The following CNTN6 variants were observed in gnomAD, a reference collection of about 807,000 sequenced individuals.
CNTN6 encodes the protein contactin-6.
A neutral mutation model predicts 122.8 loss-of-function variants in CNTN6; 137 were observed. That is an observed-to-expected ratio of 1.12 (90% confidence interval 0.97 to 1.29). CNTN6 has a LOEUF of 1.29. Ranked by LOEUF, CNTN6 falls within the 50% of genes most tolerant of loss-of-function variation. The pLI is 0.00. For synonymous variants in CNTN6, 570 were observed against 426.0 expected (o/e 1.34, Z -4.16); for missense variants, 1,634 against 1,223.4 (o/e 1.34, Z -5.01).
At chr3:1,102,942 C>T (rs972258918) in intron 1 of CNTN6, among the ~76,000 whole-genome samples, 1 of 149,490 alleles carries the variant, frequency 6.7e-6, no homozygotes, top group Non-Finnish European at 1.5e-5. Context: ...CCCGTCTCTA[C>T]CAAAAATACA....
intron 4 of CNTN6, among the ~76,000 whole-genome samples, chr3:1,277,925 A>T (rs1469750602): frequency 6.6e-6 from 1 of 152,020 alleles, no homozygotes; most frequent in African/African-American, 2.4e-5. Flanking sequence ...ATCAAGAGAA[A>T]ATTGAAAATA....
intron 1 of CNTN6, among the ~76,000 whole-genome samples, chr3:1,112,057 C>G (rs1471000912): frequency 6.6e-6 from 1 of 152,104 alleles, no homozygotes; most frequent in East Asian, 1.9e-4. Context: ...CTAAGGAGAT[C>G]ATGATACGAA....
chr3:1,154,805 C>T (rs533715175), intron 2 of CNTN6, among the ~76,000 whole-genome samples: 12 of 152,298 alleles, frequency 7.9e-5, no homozygotes, highest in African/African-American at 2.9e-4. Context: ...AATCAAACTC[C>T]TTGCCATTCC....
At chr3:1,100,198 T>C (rs2090808339) in intron 1 of CNTN6, among the ~76,000 whole-genome samples, 1 of 152,170 alleles carries the variant, frequency 6.6e-6, no homozygotes, top group Non-Finnish European at 1.5e-5. Context: ...CATTCAAAAA[T>C]TGTTTTAAAC....
chr3:1,157,585 G>A (rs1390968390), intron 2 of CNTN6, among the ~76,000 whole-genome samples: 2 of 152,052 alleles, frequency 1.3e-5, no homozygotes, highest in Non-Finnish European at 2.9e-5. Context: ...TCAAATACTA[G>A]CTTTTATTTT....
intron 2 of CNTN6, among the ~76,000 whole-genome samples, chr3:1,213,098 T>G (rs796131119): frequency 2.4e-4 from 36 of 152,300 alleles, no homozygotes; most frequent in African/African-American, 8.7e-4. Context: ...CACAGGGATT[T>G]AATTTGGAAA....
intron 11 of CNTN6, among the ~76,000 whole-genome samples, chr3:1,331,569 C>T (rs1271851275): frequency 6.6e-6 from 1 of 151,862 alleles, no homozygotes; most frequent in African/African-American, 2.4e-5. Context: ...TAAATGTTTC[C>T]TCATGCATTC....
chr3:1,226,211 T>A (rs530633005), intron 3 of CNTN6, among the ~76,000 whole-genome samples: 24 of 152,262 alleles, frequency 1.6e-4, no homozygotes, highest in African/African-American at 5.1e-4. Flanking sequence ...TGTCATTTTT[T>A]AAAAAATTAA....
chr3:1,163,523 T>G (rs2125256481), intron 2 of CNTN6, among the ~76,000 whole-genome samples: 1 of 152,298 alleles, frequency 6.6e-6, no homozygotes, highest in East Asian at 1.9e-4. Flanking sequence ...GAGATCCTCC[T>G]GCCTCAGCCT....
chr3:1,093,130 G>T lies in CNTN6; in HGVS notation c.-83+10G>T. ...CCGAGACATTTCCCTGGTAAGATCT[G>T]TAAGTACAAAATTGTGCTGTGTCTG... On this transcript the variant is annotated intron_variant, in intron 1 of 22. Transcript: ENST00000446702. 7.1e-6 allele frequency: 2 copies of T among 280,166 alleles called. No individual in the cohort carries two copies. Among genetic ancestry groups the T allele is most frequent in the East Asian group, 9.2e-5 (1 of 10,898 alleles). 17.4% of individuals were successfully genotyped at this position (280,166 alleles called of 1,614,324 possible). A position where few individuals can be genotyped will look rare whatever the true frequency, so the allele number is the denominator to read the frequency against.
At chr3:1,149,543 T>C (rs1349552445) in intron 2 of CNTN6, among the ~76,000 whole-genome samples, 1 of 152,104 alleles carries the variant, frequency 6.6e-6, no homozygotes, top group African/African-American at 2.4e-5. Flanking sequence ...CAGAAAACCA[T>C]ACAAATAAAA....
intron 2 of CNTN6, among the ~76,000 whole-genome samples, chr3:1,162,922 A>G (rs1045010232): frequency 3.9e-5 from 6 of 152,214 alleles, no homozygotes; most frequent in African/African-American, 1.4e-4. Flanking sequence ...AAATGTGGGA[A>G]CAGAAAAGCA....
At chr3:1,218,518 G>A (rs1413366606) in intron 2 of CNTN6, among the ~76,000 whole-genome samples, 1 of 152,092 alleles carries the variant, frequency 6.6e-6, no homozygotes, top group Non-Finnish European at 1.5e-5. Context: ...GGCAGGTATA[G>A]GAGTAAAACT....
In CNTN6 at chr3:1,157,883, A is replaced by G. The variant is rs183477810; in HGVS notation, c.55+9820A>G. Among the ~76,000 whole-genome samples the G allele has an allele frequency of 8.6e-4, 131 of 152,244 alleles. 1 individual carries two copies. The highest frequency in any genetic ancestry group is 6.8e-3 in the Middle Eastern group (2 of 294). ...TTTGCATACGCACCACATTTTCTTTATCAATTTATCTGTTGATGGATACTT... is the reference window on the plus strand; with the variant it reads ...TTTGCATACGCACCACATTTTCTTTGTCAATTTATCTGTTGATGGATACTT... On this transcript the variant is annotated intron_variant, in intron 2 of 22. Transcript: ENST00000446702.
chr3:1,399,931 A>G (rs1267607927), intron 20 of CNTN6, among the ~76,000 whole-genome samples: 2 of 152,138 alleles, frequency 1.3e-5, no homozygotes, highest in East Asian at 1.9e-4. Context: ...ACATTTCTCT[A>G]TCACATCCCA....
At chr3:1,351,006 A>G (rs1705542753) in intron 11 of CNTN6, among the ~76,000 whole-genome samples, 1 of 151,882 alleles carries the variant, frequency 6.6e-6, no homozygotes, top group Non-Finnish European at 1.5e-5. Flanking sequence ...AAATTAAATA[A>G]GACATTAAAT....
At chr3:1,380,792 T>C (rs973245492) in intron 17 of CNTN6, among the ~76,000 whole-genome samples, 1 of 152,216 alleles carries the variant, frequency 6.6e-6, no homozygotes, top group Non-Finnish European at 1.5e-5. Context: ...GTACATAGTT[T>C]TGCTGATTCT....
At chr3:1,101,268 C>T (rs1457819380) in intron 1 of CNTN6, among the ~76,000 whole-genome samples, 2 of 152,064 alleles carry the variant, frequency 1.3e-5, no homozygotes, top group African/African-American at 2.4e-5. Flanking sequence ...TGCAAAGGAC[C>T]CCTTTTTGGG....
At chr3:1,399,275 ATAT>A (rs972236073) in intron 20 of CNTN6, among the ~76,000 whole-genome samples, 3 of 152,140 alleles carry the variant, frequency 2.0e-5, no homozygotes, top group Admixed American at 6.6e-5. Flanking sequence ...GAGAATTTTG[ATAT>A]TATATCTTTT....
Sources: gnomAD v4.1 joint callset for allele counts (sites outside exome capture counted in the v4.1 genomes callset) on GRCh38, gnomAD v4.1.1 for gene constraint, MANE v1.5 for transcripts, NCBI Gene and HGNC (gene_info 2026-07-23, HGNC 2026-07-21) for gene names.